PAX5: variants seen among roughly 807,000 people sequenced by gnomAD.
PAX5 encodes paired box 5.
PAX5 carries 9 observed loss-of-function variants against 43.7 expected under a neutral mutation model. The ratio of observed to expected loss-of-function variants is 0.21; its 90% CI spans 0.12 to 0.36. The LOEUF (loss-of-function observed/expected upper bound fraction) is 0.36, where lower values mean the gene tolerates loss of function less well. Ranked by LOEUF, PAX5 falls within the 10% of genes least tolerant of loss-of-function variation. The probability of loss-of-function intolerance (pLI) is 1.00; values close to 1 mark genes in which losing one functional copy is unlikely to be tolerated. For synonymous variants in PAX5, 228 were observed against 214.3 expected (o/e 1.06, Z -0.56); for missense variants, 383 against 532.7 (o/e 0.72, Z 2.77).
At position 36,834,957 on chromosome 9, in the gene PAX5, C is replaced by T; in HGVS notation, c.*5603G>A. ...AGTCACCCCCACCCTGCTGTTTCACCTGCTTCCCTCCCTGGGCCCCGATCA... is the reference window on the plus strand; with the variant it reads ...AGTCACCCCCACCCTGCTGTTTCACTTGCTTCCCTCCCTGGGCCCCGATCA... On this transcript the variant is annotated 3_prime_UTR_variant, in exon 10 of 10. Transcript: ENST00000358127. 4.3e-6 allele frequency: 1 copy of T among 232,712 alleles called. No homozygotes were observed. Among genetic ancestry groups the T allele is most frequent in the East Asian group, 6.1e-5 (1 of 16,486 alleles). 14.4% of individuals were successfully genotyped at this position (232,712 alleles called of 1,614,324 possible). A position where few individuals can be genotyped will look rare whatever the true frequency, so the allele number is the denominator to read the frequency against.
At chr9:36,994,434 G>T (rs1371296067) in intron 5 of PAX5, among the ~76,000 whole-genome samples, 1 of 152,124 alleles carries the variant, frequency 6.6e-6, no homozygotes, top group Non-Finnish European at 1.5e-5. Context: ...CTAAGTTCTT[G>T]CCTCCGCTAC....
chr9:36,923,625 C>G, intron 6 of PAX5, 141 bp from the exon 7 acceptor site: 7 of 895,048 alleles, frequency 7.8e-6, no homozygotes, highest in Non-Finnish European at 1.0e-5. Flanking sequence ...ATGAACACTT[C>G]CAGTGTTGAA....
intron 8 of PAX5, among the ~76,000 whole-genome samples, chr9:36,858,049 T>C (rs1261019430): frequency 1.3e-5 from 2 of 152,260 alleles, no homozygotes; most frequent in African/African-American, 4.8e-5. Context: ...GCCACTTAGC[T>C]GGGCAGCCTC....
At chr9:36,909,969 G>C (rs940039696) in intron 7 of PAX5, among the ~76,000 whole-genome samples, 1 of 151,762 alleles carries the variant, frequency 6.6e-6, no homozygotes, top group African/African-American at 2.4e-5. Flanking sequence ...CTATGGGCAC[G>C]CACCACCACA....
intron 5 of PAX5, among the ~76,000 whole-genome samples, chr9:36,967,262 G>A (rs1834525182): frequency 6.6e-6 from 1 of 152,216 alleles, no homozygotes; most frequent in Non-Finnish European, 1.5e-5. Flanking sequence ...AATTCTGGTG[G>A]AAGTGGTAAC....
At chr9:36,841,171 C>G (rs1043287965) in intron 9 of PAX5, among the ~76,000 whole-genome samples, 1 of 152,226 alleles carries the variant, frequency 6.6e-6, no homozygotes, top group African/African-American at 2.4e-5. Flanking sequence ...TCAGGGAAGG[C>G]CCCTCCTGCC....
intron 7 of PAX5, among the ~76,000 whole-genome samples, chr9:36,903,001 G>A (rs567937640): frequency 5.3e-5 from 8 of 152,206 alleles, no homozygotes; most frequent in African/African-American, 1.4e-4. Context: ...GGCCTGCCCC[G>A]GGACCTGGGC....
chr9:37,026,903 G>A (rs911179490), intron 1 of PAX5, among the ~76,000 whole-genome samples: 1 of 152,330 alleles, frequency 6.6e-6, no homozygotes, highest in South Asian at 2.1e-4. Flanking sequence ...CGGGGGCATA[G>A]CGTAGGGGCC....
At chr9:36,911,445 G>A (rs1319112125) in intron 7 of PAX5, among the ~76,000 whole-genome samples, 7 of 152,086 alleles carry the variant, frequency 4.6e-5, no homozygotes, top group Non-Finnish European at 1.0e-4. Context: ...ACAGGCATGA[G>A]CCACACGCCC....
chr9:36,991,715 C>T (rs1466875113), intron 5 of PAX5, among the ~76,000 whole-genome samples: 1 of 98,212 alleles, frequency 1.0e-5, no homozygotes, highest in African/African-American at 3.3e-5. Flanking sequence ...CCTCTTGTTC[C>T]TAACCCTGGA....
At chr9:36,845,090 C>G (rs1428447490) in intron 9 of PAX5, among the ~76,000 whole-genome samples, 2 of 152,230 alleles carry the variant, frequency 1.3e-5, no homozygotes, top group African/African-American at 4.8e-5. Flanking sequence ...TTGGGCAGTG[C>G]AGTCATGTGT....
Position 36,840,628 on chromosome 9 carries a change from AG to A in PAX5, c.1107del (p.Tyr370ThrfsTer33). On this transcript the variant is annotated frameshift_variant, in exon 10 of 10. Coordinates refer to ENST00000358127, the MANE Select transcript of PAX5 (RefSeq NM_016734.3). LOFTEE classifies it high-confidence loss of function. ...RFPNPGLLGS[P>X]YYYSAAARGA... The stretch of plus-strand genomic sequence containing the variant: ...CCTCGGGCGGCAGCGCTATAATAGT[AG>A]GGGGAGCCTGGAAGAGACGGGAGAG... 2 of 1,566,988 alleles carry A rather than the reference AG, an allele frequency of 1.3e-6. No individual in the cohort carries two copies.
At chr9:37,000,539 A>C (rs1837756097) in intron 5 of PAX5, among the ~76,000 whole-genome samples, 1 of 152,224 alleles carries the variant, frequency 6.6e-6, no homozygotes, top group African/African-American at 2.4e-5. Flanking sequence ...CATCACTTGA[A>C]GTCAGGAGTC....
At chr9:36,907,127 A>T (rs1177018682) in intron 7 of PAX5, among the ~76,000 whole-genome samples, 4 of 152,030 alleles carry the variant, frequency 2.6e-5, no homozygotes, top group African/African-American at 9.7e-5. Flanking sequence ...AGAAAACCAT[A>T]CCTCCAGTTA....
In PAX5 at chr9:36,966,382, A is replaced by G. The variant is rs2297108; in HGVS notation, c.780+167T>C. ...GGCCCAGACAAGCCCTCCCGACCTTATAGGATGTAGCGACTGCCCAAGTTT... is the reference window on the plus strand; with the variant it reads ...GGCCCAGACAAGCCCTCCCGACCTTGTAGGATGTAGCGACTGCCCAAGTTT... On this transcript the variant is annotated intron_variant, in intron 6 of 9. Transcript: ENST00000358127. 0.75 allele frequency among the ~76,000 whole-genome samples: 114,773 copies of G among 152,176 alleles called. 43,531 individuals are homozygous for G. Among genetic ancestry groups the G allele is most frequent in the South Asian group, 0.87 (4,192 of 4,828 alleles).
Position 37,015,319 on chromosome 9 carries a change from G to T in PAX5, c.213-125C>A. 1.4e-6 allele frequency: 1 copy of T among 723,906 alleles called. No homozygotes were observed. Among genetic ancestry groups the T allele is most frequent in the Non-Finnish European group, 2.3e-6 (1 of 426,870 alleles). 44.8% of individuals were successfully genotyped at this position (723,906 alleles called of 1,614,324 possible). A position where few individuals can be genotyped will look rare whatever the true frequency, so the allele number is the denominator to read the frequency against. ...GCACGTTCCAATACAGTAGCCACCA[G>T]CCAGATGCGGCTTTTGAACATTTGA... On this transcript the variant is annotated intron_variant, in intron 2 of 9. Transcript: ENST00000358127. This position sits in a 1 kb window ranked among gnomAD's most constrained non-coding sequence, Gnocchi z 4.4.
At chr9:36,907,103 G>A (rs893254004) in intron 7 of PAX5, among the ~76,000 whole-genome samples, 3 of 152,154 alleles carry the variant, frequency 2.0e-5, no homozygotes, top group African/African-American at 4.8e-5. Flanking sequence ...AAGCAGGACC[G>A]TAGAGGAGTT....
At chr9:37,024,424 C>T (rs1427452255) in intron 1 of PAX5, among the ~76,000 whole-genome samples, 1 of 152,162 alleles carries the variant, frequency 6.6e-6, no homozygotes, top group African/African-American at 2.4e-5. Flanking sequence ...CTGACTGGGC[C>T]AGGAGGAAGG....
chr9:36,836,998 A>G lies in PAX5; in HGVS notation c.*3562T>C, dbSNP rs1587710332. 1 of 232,872 alleles carries G rather than the reference A, an allele frequency of 4.3e-6. No homozygotes were observed. The highest frequency in any genetic ancestry group is 6.0e-5 in the East Asian group (1 of 16,542). 14.4% of individuals were successfully genotyped at this position (232,872 alleles called of 1,614,324 possible). On this transcript the variant is annotated 3_prime_UTR_variant, in exon 10 of 10. Coordinates refer to ENST00000358127, the MANE Select transcript of PAX5 (RefSeq NM_016734.3). Reference sequence around the variant, plus strand: ...CTCCGCAGGTTTCAATGTTCTTAGGAAACAAAGCCGCCAACCTGCAGGCCC... The same window carrying G: ...CTCCGCAGGTTTCAATGTTCTTAGGGAACAAAGCCGCCAACCTGCAGGCCC...
Sources: allele counts gnomAD v4.1 joint callset (sites outside exome capture counted in the v4.1 genomes callset), GRCh38; gene constraint gnomAD v4.1.1; non-coding constraint Gnocchi (gnomAD v3.1); transcripts MANE v1.5; gene names NCBI Gene and HGNC (gene_info 2026-07-23, HGNC 2026-07-21).